The following RSF1 variants were observed in gnomAD, a reference collection of about 807,000 sequenced individuals.
RSF1 encodes HBV pX-associated protein 8.
Under a neutral mutation model 145.2 loss-of-function variants are expected in RSF1, and 13 were observed. The observed-to-expected ratio is 0.09, with a 90% CI of 0.06 to 0.14. RSF1 has a LOEUF of 0.14. RSF1 is among the 10% of genes least tolerant of loss of function. The probability of loss-of-function intolerance (pLI) is 1.00; values close to 1 mark genes in which losing one functional copy is unlikely to be tolerated. For synonymous variants in RSF1, 577 were observed against 592.6 expected (o/e 0.97, Z 0.38); for missense variants, 1,517 against 1,718.2 (o/e 0.88, Z 2.07).
the RSF1 span, among the ~76,000 whole-genome samples, chr11:77,856,636 G>T: frequency 6.6e-6 from 1 of 152,062 alleles, no homozygotes; most frequent in African/African-American, 2.4e-5. Flanking sequence ...TTACTATCAC[G>T]GCAGAAGGTG....
chr11:77,676,931 C>G lies in RSF1; in HGVS notation c.3202G>C (p.Asp1068His). 7.4e-7 allele frequency: 1 copy of G among 1,343,960 alleles called. No individual in the cohort carries two copies. The highest frequency in any genetic ancestry group is 1.0e-6 in the Non-Finnish European group (1 of 986,500). The allele number at this position is 1,343,960 out of a possible 1,614,324, so 83.3% of individuals were successfully genotyped here. Residue 1068 changes from aspartate (D) to histidine (H), a missense_variant, in exon 13 of 16, where the codon GAT becomes CAT. Transcript: ENST00000308488. ...CGTTTATTTTCTTTTCTTTCTTCAT[C>G]CAAAATAGTAGAGATGTCTTTCCCA... ...HRGKDISTIL[D>H]EERKENKRPQ... is the part of the protein sequence containing the mutation.
chr11:77,751,747 C>T (rs10899404), intron 2 of RSF1, among the ~76,000 whole-genome samples: 33,614 of 152,140 alleles, frequency 0.22, 3,772 homozygotes, highest in Middle Eastern at 0.25. Flanking sequence ...ACTCCTCTCC[C>T]TATTCCCTCT....
chr11:77,836,920 G>A, the RSF1 span, among the ~76,000 whole-genome samples: 17 of 152,136 alleles, frequency 1.1e-4, no homozygotes, highest in African/African-American at 3.9e-4. Context: ...AGCCAAGATC[G>A]CGCCATTGCA....
At chr11:77,711,891 C>CA (rs1960694013) in intron 5 of RSF1, among the ~76,000 whole-genome samples, 1 of 152,008 alleles carries the variant, frequency 6.6e-6, no homozygotes, top group East Asian at 1.9e-4. Context: ...TGGTCTCCTC[C>CA]AACCCTTAGT....
intron 1 of RSF1, among the ~76,000 whole-genome samples, chr11:77,797,128 C>T (rs1053190469): frequency 9.9e-5 from 15 of 152,166 alleles, no homozygotes; most frequent in Admixed American, 4.6e-4. Flanking sequence ...CAAGCTACCG[C>T]TGACTTTCTT....
chr11:77,842,639 A>C, the RSF1 span: 1 of 1,613,246 alleles, frequency 6.2e-7, no homozygotes, highest in South Asian at 1.1e-5. Flanking sequence ...GTAAGATATT[A>C]GTCTTTGGTT....
chr11:77,833,716 C>T, the RSF1 span, among the ~76,000 whole-genome samples: 1 of 152,152 alleles, frequency 6.6e-6, no homozygotes, highest in Non-Finnish European at 1.5e-5. Flanking sequence ...GAATGTTTAT[C>T]AATACCTAAC....
the RSF1 span, among the ~76,000 whole-genome samples, chr11:77,838,895 C>T: frequency 2.1e-3 from 323 of 152,248 alleles, no homozygotes; most frequent in African/African-American, 6.9e-3. Context: ...GGATTACAGG[C>T]GTGAGCCACC....
chr11:77,781,646 G>A (rs1948405745), intron 1 of RSF1, among the ~76,000 whole-genome samples: 1 of 152,252 alleles, frequency 6.6e-6, no homozygotes, highest in Non-Finnish European at 1.5e-5. Flanking sequence ...CATTTTTAAA[G>A]AATGTTTTTT....
At chr11:77,868,058 C>CTTT in the RSF1 span, among the ~76,000 whole-genome samples, 99 of 137,066 alleles carry the variant, frequency 7.2e-4, 1 homozygote, top group East Asian at 7.0e-3. Context: ...TCCTCTGAGC[C>CTTT]TTTTTTTTTT....
chr11:77,663,202 T>C lies in RSF1; in HGVS notation c.*3715A>G, dbSNP rs1407956519. Reference sequence around the variant, plus strand: ...CATTAGGTTCTTTACAGTTGTGTGGTAGAATCAGCAAAGGGTTAACATCTC... The same window carrying C: ...CATTAGGTTCTTTACAGTTGTGTGGCAGAATCAGCAAAGGGTTAACATCTC... On this transcript the variant is annotated 3_prime_UTR_variant, in exon 16 of 16. Coordinates refer to ENST00000308488, the MANE Select transcript of RSF1 (RefSeq NM_016578.4). 1 of 152,128 alleles carries C rather than the reference T, an allele frequency of 6.6e-6. No individual in the cohort carries two copies. The highest frequency in any genetic ancestry group is 2.4e-5 in the African/African-American group (1 of 41,418). 9.4% of individuals were successfully genotyped at this position (152,128 alleles called of 1,614,324 possible).
the RSF1 span, among the ~76,000 whole-genome samples, chr11:77,849,472 T>C: frequency 6.6e-6 from 1 of 152,146 alleles, no homozygotes; most frequent in African/African-American, 2.4e-5. Flanking sequence ...GATCTGCCCA[T>C]CTCGGCCTCT....
At chr11:77,827,769 G>A in the RSF1 span, among the ~76,000 whole-genome samples, 1 of 152,146 alleles carries the variant, frequency 6.6e-6, no homozygotes, top group African/African-American at 2.4e-5. Flanking sequence ...GTTGTAGCCA[G>A]TGCAATGTGT....
the RSF1 span, among the ~76,000 whole-genome samples, chr11:77,860,389 G>A: frequency 1.3e-5 from 2 of 152,376 alleles, no homozygotes; most frequent in South Asian, 4.1e-4. Context: ...ATAAGCCAGT[G>A]TGGGCTGGGT....
rs971075883 is a variant in RSF1, at chr11:77,660,900, T to C, written c.*6017A>G. The C allele has an allele frequency of 2.0e-5, 3 of 152,132 alleles. No individual in the cohort carries two copies. Among genetic ancestry groups the C allele is most frequent in the African/African-American group, 4.8e-5 (2 of 41,426 alleles). 9.4% of individuals were successfully genotyped at this position (152,132 alleles called of 1,614,324 possible). On this transcript the variant is annotated 3_prime_UTR_variant, in exon 16 of 16. Transcript: ENST00000308488. ...CACTTGTACTACAAAGGTGAGAAAT[T>C]AGAATGGCAAAATTATCAGATGGGA...
At chr11:77,865,423 C>A in the RSF1 span, among the ~76,000 whole-genome samples, 4 of 152,052 alleles carry the variant, frequency 2.6e-5, no homozygotes, top group Non-Finnish European at 5.9e-5. Context: ...TTGTAGGAAC[C>A]GGTTGTAGGC....
chr11:77,847,467 C>T, the RSF1 span, among the ~76,000 whole-genome samples: 3 of 152,208 alleles, frequency 2.0e-5, no homozygotes, highest in Non-Finnish European at 4.4e-5. Context: ...ACTGCATGCA[C>T]TCATTGATGA....
intron 1 of RSF1, among the ~76,000 whole-genome samples, chr11:77,801,616 T>C (rs1357577951): frequency 6.6e-6 from 1 of 151,978 alleles, no homozygotes; most frequent in Non-Finnish European, 1.5e-5. Context: ...TGGGGTAACA[T>C]GCGTGTCTAC....
At chr11:77,835,669 A>G in the RSF1 span, among the ~76,000 whole-genome samples, 1 of 152,204 alleles carries the variant, frequency 6.6e-6, no homozygotes, top group Non-Finnish European at 1.5e-5. Flanking sequence ...CTGTAATCCC[A>G]GCACTTTGGG....
Sources: gnomAD v4.1 joint callset for allele counts (sites outside exome capture counted in the v4.1 genomes callset) on GRCh38, gnomAD v4.1.1 for gene constraint, MANE v1.5 for transcripts, NCBI Gene and HGNC (gene_info 2026-07-23, HGNC 2026-07-21) for gene names.